The following CPSF3 variants were observed in gnomAD, a reference collection of about 807,000 sequenced individuals.
CPSF3 encodes cleavage and polyadenylation specificity factor subunit 3.
CPSF3 carries 57 observed loss-of-function variants against 84.1 expected under a neutral mutation model. The ratio of observed to expected loss-of-function variants is 0.68; its 90% confidence interval spans 0.55 to 0.85. CPSF3 has a LOEUF of 0.85. CPSF3 is among the 40% of genes least tolerant of loss of function. CPSF3 has a pLI of 0.00. For missense variants in CPSF3, 522 were observed against 838.8 expected, an observed-to-expected ratio of 0.62 and a Z score of 4.66; for synonymous variants, 275 against 278.1, an observed-to-expected ratio of 0.99 and a Z score of 0.11.
intron 1 of CPSF3, among the ~76,000 whole-genome samples, chr2:9,426,153 C>T (rs1284108561): frequency 2.0e-5 from 3 of 152,146 alleles, no homozygotes; most frequent in African/African-American, 4.8e-5. Flanking sequence ...TGGACAATGC[C>T]TCTGTTCTTA....
chr2:9,465,075 T>G (rs1053635897), intron 15 of CPSF3, among the ~76,000 whole-genome samples: 1 of 152,186 alleles, frequency 6.6e-6, no homozygotes, highest in Admixed American at 6.5e-5. Flanking sequence ...TGGTTTGAAT[T>G]CTAGAATAGT....
intron 16 of CPSF3, among the ~76,000 whole-genome samples, chr2:9,468,619 C>CTTTTT (rs5829213): frequency 4.6e-4 from 50 of 108,332 alleles, no homozygotes; most frequent in Middle Eastern, 5.2e-3. Context: ...CTACACTGAC[C>CTTTTT]TTTTTTTTTT....
chr2:9,466,342 G>GATCA (rs56758438), intron 15 of CPSF3, among the ~76,000 whole-genome samples: 10 of 89,082 alleles, frequency 1.1e-4, no homozygotes, highest in South Asian at 4.4e-4. Flanking sequence ...ACGCACACAC[G>GATCA]CGCGCGCGCG....
intron 15 of CPSF3, among the ~76,000 whole-genome samples, chr2:9,463,576 GT>G (rs1254281623): frequency 6.6e-6 from 1 of 152,232 alleles, no homozygotes; most frequent in Non-Finnish European, 1.5e-5. Flanking sequence ...TAAGTGACAG[GT>G]TTTAATAAGT....
chr2:9,457,099 G>GA (rs1442695220), intron 14 of CPSF3, 72 bp downstream of exon 14: 2 of 837,304 alleles, frequency 2.4e-6, no homozygotes, highest in African/African-American at 3.4e-5. Context: ...CAATTGTAGA[G>GA]AAAATTAGTT....
At chr2:9,443,440 A>G (rs1256544164) in intron 9 of CPSF3, 75 bp from the exon 10 acceptor site, 3 of 1,462,678 alleles carry the variant, frequency 2.1e-6, no homozygotes, top group Non-Finnish European at 2.8e-6. Context: ...TTATGACTGC[A>G]TGAAAAAAAT....
intron 11 of CPSF3, among the ~76,000 whole-genome samples, chr2:9,451,395 C>T (rs55824967): frequency 0.072 from 10,995 of 152,178 alleles, 1,355 homozygotes; most frequent in African/African-American, 0.25. Context: ...TGCTTAAAGG[C>T]AAACAAGTAT....
At chr2:9,446,567 C>T (rs1298624339) in intron 10 of CPSF3, among the ~76,000 whole-genome samples, 2 of 127,628 alleles carry the variant, frequency 1.6e-5, no homozygotes, top group African/African-American at 3.1e-5. Flanking sequence ...GGCGACGGAG[C>T]GAGACTCGGT....
At chr2:9,425,877 G>A (rs6737104) in intron 1 of CPSF3, among the ~76,000 whole-genome samples, 84,952 of 151,968 alleles carry the variant, frequency 0.56, 24,758 homozygotes, top group Middle Eastern at 0.7. Flanking sequence ...TCACTCCCAA[G>A]AGATACCTTG....
chr2:9,428,153 C>T (rs964353577), intron 1 of CPSF3, among the ~76,000 whole-genome samples: 35 of 151,510 alleles, frequency 2.3e-4, no homozygotes, highest in Non-Finnish European at 4.1e-4. Flanking sequence ...TCCGCCACCA[C>T]GCCTGGCTAA....
At chr2:9,466,224 ACACACACACGTGCG>A (rs1558465987) in intron 15 of CPSF3, among the ~76,000 whole-genome samples, 3 of 147,252 alleles carry the variant, frequency 2.0e-5, no homozygotes, top group South Asian at 2.2e-4. Context: ...ACACGCACGC[ACACACACACGTGCG>A]CGCACGCACG....
intron 14 of CPSF3, among the ~76,000 whole-genome samples, chr2:9,457,591 A>G (rs1432529507): frequency 6.6e-6 from 1 of 152,106 alleles, no homozygotes; most frequent in Non-Finnish European, 1.5e-5. Context: ...TACATGGTTG[A>G]TTTTGATAGA....
intron 15 of CPSF3, among the ~76,000 whole-genome samples, chr2:9,461,062 A>G (rs1681711243): frequency 6.6e-6 from 1 of 152,192 alleles, no homozygotes; most frequent in African/African-American, 2.4e-5. Context: ...TATAATACAA[A>G]CAAATAAATA....
chr2:9,469,310 G>T (rs1682082891), intron 16 of CPSF3, among the ~76,000 whole-genome samples: 1 of 152,128 alleles, frequency 6.6e-6, no homozygotes, highest in Non-Finnish European at 1.5e-5. Flanking sequence ...TTTCAAGGAG[G>T]TTAGACAACC....
At chr2:9,444,405 C>T (rs957284801) in intron 10 of CPSF3, among the ~76,000 whole-genome samples, 1 of 151,476 alleles carries the variant, frequency 6.6e-6, no homozygotes, top group African/African-American at 2.4e-5. Context: ...GGATTACAGG[C>T]GCGAGCCACT....
intron 11 of CPSF3, among the ~76,000 whole-genome samples, chr2:9,452,645 C>T (rs73913109): frequency 0.057 from 8,621 of 152,228 alleles, 838 homozygotes; most frequent in African/African-American, 0.2. Flanking sequence ...TCTTAAGCCC[C>T]GGCACCTAGT....
chr2:9,435,197 C>A (rs1422968878), intron 6 of CPSF3, among the ~76,000 whole-genome samples: 1 of 152,158 alleles, frequency 6.6e-6, no homozygotes, highest in South Asian at 2.1e-4. Flanking sequence ...CAAGGGATGT[C>A]AATCTTCTGG....
chr2:9,432,344 T>TA (rs34229646), intron 4 of CPSF3, among the ~76,000 whole-genome samples, 167 bp from the exon 5 acceptor site: 89,326 of 150,056 alleles, frequency 0.6, 28,041 homozygotes, highest in African/African-American at 0.75. Flanking sequence ...CACAATAGAG[T>TA]AAAAAAAAAA....
At chr2:9,463,527 A>G (rs148850620) in intron 15 of CPSF3, among the ~76,000 whole-genome samples, 2 of 152,346 alleles carry the variant, frequency 1.3e-5, no homozygotes, top group East Asian at 3.9e-4. Context: ...CAGGGTATGT[A>G]TGTGATATGT....
Sources: gnomAD v4.1 joint callset for allele counts (sites outside exome capture counted in the v4.1 genomes callset) on GRCh38, gnomAD v4.1.1 for gene constraint, MANE v1.5 for transcripts, NCBI Gene and HGNC (gene_info 2026-07-23, HGNC 2026-07-21) for gene names.